The following UGT1A9 variants were observed in gnomAD, a reference collection of about 807,000 sequenced individuals.
UGT1A9 encodes UDP glucuronosyltransferase family 1 member A9, also known as UDP-glucuronosyltransferase 1A9.
Under a neutral mutation model 45.0 loss-of-function variants are expected in UGT1A9, and 35 were observed. The observed-to-expected ratio is 0.78, with a 90% CI of 0.59 to 1.03. The LOEUF (loss-of-function observed/expected upper bound fraction) is 1.03. Among genes scored for constraint, UGT1A9 ranks in the 50% least tolerant of loss-of-function variants. UGT1A9 has a pLI of 0.00. For missense variants in UGT1A9, 687 were observed against 666.6 expected (o/e 1.03, Z -0.34); for synonymous variants, 278 against 250.6 (o/e 1.11, Z -1.03).
intron 1 of UGT1A9, chr2:233,717,933 C>G (rs1291638517): frequency 2.2e-6 from 1 of 454,480 alleles, no homozygotes; most frequent in Non-Finnish European, 4.4e-6. Context: ...ATACTTCAGT[C>G]TCTATGCAGA....
intron 1 of UGT1A9, chr2:233,748,175 C>G: frequency 6.3e-7 from 1 of 1,584,336 alleles, no homozygotes; most frequent in South Asian, 1.2e-5. Context: ...ACTTATCTTT[C>G]TGGTGCTTTT....
intron 1 of UGT1A9, among the ~76,000 whole-genome samples, chr2:233,720,871 ATTTT>A (rs60621337): frequency 2.3e-5 from 3 of 132,772 alleles, no homozygotes; most frequent in African/African-American, 8.6e-5. Flanking sequence ...GCTCCTGGCA[ATTTT>A]TTTTTTTTTT....
At chr2:233,724,308 C>A (rs2077215136) in intron 1 of UGT1A9, among the ~76,000 whole-genome samples, 1 of 148,194 alleles carries the variant, frequency 6.7e-6, no homozygotes, top group African/African-American at 2.5e-5. Context: ...CACCTCCCTC[C>A]CGGACGGGGC....
At chr2:233,679,936 A>G (rs2074466916) in intron 1 of UGT1A9, among the ~76,000 whole-genome samples, 1 of 152,138 alleles carries the variant, frequency 6.6e-6, no homozygotes, top group African/African-American at 2.4e-5. Context: ...TATTTCACAA[A>G]AAGATGCGAG....
chr2:233,727,332 T>C (rs2077605990), intron 1 of UGT1A9, among the ~76,000 whole-genome samples: 1 of 152,122 alleles, frequency 6.6e-6, no homozygotes, highest in South Asian at 2.1e-4. Flanking sequence ...CAGGAGCTCC[T>C]CCCTCCCCAT....
intron 1 of UGT1A9, chr2:233,729,486 G>C: frequency 6.2e-7 from 1 of 1,614,202 alleles, no homozygotes; most frequent in Non-Finnish European, 8.5e-7. Context: ...TGAACAATAT[G>C]TCTTTGGTCT....
intron 1 of UGT1A9, among the ~76,000 whole-genome samples, chr2:233,695,121 T>TTTTCTTTTC (rs1181246228): frequency 3.7e-4 from 38 of 104,018 alleles, no homozygotes; most frequent in African/African-American, 1.3e-3. Flanking sequence ...TAACCAACCC[T>TTTTCTTTTC]TTTCTTTTCT....
intron 1 of UGT1A9, among the ~76,000 whole-genome samples, chr2:233,766,795 T>C (rs1485406690): frequency 1.3e-5 from 2 of 152,194 alleles, no homozygotes; most frequent in African/African-American, 4.8e-5. Flanking sequence ...AACTAGCACA[T>C]TACCTGGATT....
chr2:233,733,519 G>C (rs951555502), intron 1 of UGT1A9, among the ~76,000 whole-genome samples: 3 of 152,168 alleles, frequency 2.0e-5, no homozygotes, highest in Non-Finnish European at 2.9e-5. Context: ...AGGCATGAAG[G>C]GATGTTTAAT....
At chr2:233,771,575 T>A (rs927540192) in intron 4 of UGT1A9, 6 of 152,302 alleles carry the variant, frequency 3.9e-5, no homozygotes, top group African/African-American at 1.4e-4. Context: ...AGGTGGTTGT[T>A]TACAACTTCA....
chr2:233,729,880 G>A (rs746200260), intron 1 of UGT1A9: 2 of 1,613,860 alleles, frequency 1.2e-6, no homozygotes, highest in Non-Finnish European at 1.7e-6. Flanking sequence ...TCTCAGTCAT[G>A]CATCTGTGTG....
At chr2:233,706,566 G>A (rs1311668869) in intron 1 of UGT1A9, among the ~76,000 whole-genome samples, 1 of 152,154 alleles carries the variant, frequency 6.6e-6, no homozygotes, top group African/African-American at 2.4e-5. Flanking sequence ...TCAAACCTTA[G>A]GGTAAGAGTG....
chr2:233,718,048 C>G, intron 1 of UGT1A9: 1 of 365,942 alleles, frequency 2.7e-6, no homozygotes, highest in South Asian at 2.1e-5. Flanking sequence ...CAGGAGCTCC[C>G]TGAACCCACC....
rs753125541 is a variant in UGT1A9, at chr2:233,729,452, A to C, written c.856-37582A>C. The C allele has an allele frequency of 1.4e-5, 23 of 1,614,030 alleles. No individual in the cohort carries two copies. The highest frequency in any genetic ancestry group is 1.7e-4 in the Middle Eastern group (1 of 6,060). On this transcript the variant is annotated intron_variant, in intron 1 of 4. Transcript: ENST00000354728. ...TTTGAAACAGAACATTTTCTGAAGA[A>C]ATTTTTCAGAAGTATGGCAATGTTG...
Position 233,773,250 on chromosome 2 carries a change from T to C in UGT1A9, c.*691T>C, listed in dbSNP as rs967229603. 2.0e-5 allele frequency: 3 copies of C among 152,350 alleles called. No homozygotes were observed. Among genetic ancestry groups the C allele is most frequent in the Admixed American group, 6.5e-5 (1 of 15,274 alleles). The allele number at this position is 152,350 out of a possible 1,614,324, so 9.4% of individuals were successfully genotyped here. A position where few individuals can be genotyped will look rare whatever the true frequency, so the allele number is the denominator to read the frequency against. Reference sequence around the variant, plus strand: ...AAGTGCTGGGCAAGTTTACTTTTTTTCTGATGTTTCCTACAACTAAAAATA... The same window carrying C: ...AAGTGCTGGGCAAGTTTACTTTTTTCCTGATGTTTCCTACAACTAAAAATA... On this transcript the variant is annotated 3_prime_UTR_variant, in exon 5 of 5. Coordinates refer to ENST00000354728, the MANE Select transcript of UGT1A9 (RefSeq NM_021027.3).
At chr2:233,682,464 A>G in intron 1 of UGT1A9, 1 of 1,613,880 alleles carries the variant, frequency 6.2e-7, no homozygotes, top group African/African-American at 1.3e-5. Context: ...TTTTGCCACT[A>G]TCTTGAAGAA....
chr2:233,754,892 C>A, intron 1 of UGT1A9: 1 of 1,351,640 alleles, frequency 7.4e-7, no homozygotes, highest in Non-Finnish European at 9.9e-7. Flanking sequence ...GGGAGTTCCT[C>A]TGACCCCCCA....
chr2:233,705,918 T>C (rs1302424656), intron 1 of UGT1A9, among the ~76,000 whole-genome samples: 1 of 152,048 alleles, frequency 6.6e-6, no homozygotes, highest in East Asian at 1.9e-4. Flanking sequence ...TGAAACTCCT[T>C]CTCTACTAAA....
At chr2:233,710,173 T>C (rs1247013879) in intron 1 of UGT1A9, among the ~76,000 whole-genome samples, 2 of 152,262 alleles carry the variant, frequency 1.3e-5, no homozygotes, top group Non-Finnish European at 2.9e-5. Context: ...CATTTATTTA[T>C]TGATGGACAT....
Sources: gnomAD v4.1 joint callset for allele counts (sites outside exome capture counted in the v4.1 genomes callset) on GRCh38, gnomAD v4.1.1 for gene constraint, MANE v1.5 for transcripts, NCBI Gene and HGNC (gene_info 2026-07-23, HGNC 2026-07-21) for gene names.